The following PCDH15 variants were observed in gnomAD, a reference collection of about 807,000 sequenced individuals.
PCDH15 encodes protocadherin-15.
Under a neutral mutation model 178.5 loss-of-function variants are expected in PCDH15, and 129 were observed. The observed-to-expected ratio is 0.72, with a 90% CI of 0.63 to 0.84. The LOEUF is 0.84. PCDH15 is among the 40% of genes least tolerant of loss of function. PCDH15 has a pLI of 0.00. For synonymous variants in PCDH15, 800 were observed against 732.0 expected (o/e 1.09, Z -1.50); for missense variants, 2,230 against 2,099.9 (o/e 1.06, Z -1.21).
chr10:54,236,242 C>A (rs1321622946), intron 9 of PCDH15, among the ~76,000 whole-genome samples: 3 of 152,128 alleles, frequency 2.0e-5, no homozygotes, highest in African/African-American at 7.2e-5. Context: ...TAATCAATTT[C>A]TCATCATTTT....
chr10:54,224,469 T>G (rs1591280789), intron 9 of PCDH15, among the ~76,000 whole-genome samples: 1 of 152,286 alleles, frequency 6.6e-6, no homozygotes, highest in African/African-American at 2.4e-5. Flanking sequence ...TAGCAAAGCT[T>G]AATTCATCTA....
At chr10:55,578,092 T>TA (rs1483229043) in intron 2 of PCDH15, among the ~76,000 whole-genome samples, 4 of 152,090 alleles carry the variant, frequency 2.6e-5, no homozygotes, top group African/African-American at 9.7e-5. Context: ...CCCATGGCTT[T>TA]AAAAAAATTA....
intron 20 of PCDH15, among the ~76,000 whole-genome samples, chr10:54,014,631 C>T (rs144633948): frequency 1.6e-3 from 239 of 152,226 alleles, no homozygotes; most frequent in African/African-American, 5.5e-3. Context: ...AGAAGTGATT[C>T]ACCACAGAAA....
intron 3 of PCDH15, among the ~76,000 whole-genome samples, chr10:54,838,121 G>A (rs565459224): frequency 6.6e-5 from 10 of 152,050 alleles, no homozygotes; most frequent in South Asian, 2.1e-4. Context: ...AGTACTTGAC[G>A]AGGTCCTGTA....
intron 3 of PCDH15, among the ~76,000 whole-genome samples, chr10:54,456,989 C>T (rs1052233452): frequency 6.6e-6 from 1 of 152,086 alleles, no homozygotes; most frequent in Non-Finnish European, 1.5e-5. Flanking sequence ...TATTGAACCT[C>T]TTATCTTTAT....
intron 2 of PCDH15, among the ~76,000 whole-genome samples, chr10:55,149,794 C>T (rs1156788166): frequency 1.3e-5 from 2 of 152,018 alleles, no homozygotes; most frequent in African/African-American, 4.8e-5. Context: ...GTTTCAAAAG[C>T]CCCAGAAATT....
At chr10:54,432,121 ATAT>A (rs1349511140) in intron 3 of PCDH15, among the ~76,000 whole-genome samples, 9 of 152,072 alleles carry the variant, frequency 5.9e-5, no homozygotes, top group Admixed American at 1.3e-4. Flanking sequence ...GGAAGAATAA[ATAT>A]TATTAAAATG....
chr10:54,735,884 G>A (rs1944047657), intron 1 of PCDH15, among the ~76,000 whole-genome samples: 1 of 117,932 alleles, frequency 8.5e-6, no homozygotes, highest in Non-Finnish European at 1.7e-5. Context: ...GGGGAGGGGG[G>A]AGGGATAGCA....
chr10:54,298,888 G>A (rs1315999448), intron 8 of PCDH15, among the ~76,000 whole-genome samples: 1 of 152,222 alleles, frequency 6.6e-6, no homozygotes, highest in African/African-American at 2.4e-5. Context: ...TGTTGTAATT[G>A]GAAGACTTTG....
intron 2 of PCDH15, among the ~76,000 whole-genome samples, chr10:54,573,254 T>TA (rs2090052356): frequency 6.6e-6 from 1 of 152,116 alleles, no homozygotes; most frequent in African/African-American, 2.4e-5. Context: ...ATTAGTTTAG[T>TA]AAAAAACAAT....
chr10:54,569,135 T>TA (rs1430435151), intron 2 of PCDH15, among the ~76,000 whole-genome samples: 1 of 151,984 alleles, frequency 6.6e-6, no homozygotes, highest in East Asian at 1.9e-4. Flanking sequence ...CCCAAGAAAT[T>TA]AAAAAACTAC....
chr10:53,860,836 A>C (rs1205780397), intron 27 of PCDH15, among the ~76,000 whole-genome samples: 1 of 151,946 alleles, frequency 6.6e-6, no homozygotes, highest in Non-Finnish European at 1.5e-5. Flanking sequence ...ACATTTTATT[A>C]ACAAGATTTT....
At chr10:54,574,226 T>C (rs982972061) in intron 2 of PCDH15, among the ~76,000 whole-genome samples, 16 of 151,284 alleles carry the variant, frequency 1.1e-4, no homozygotes, top group African/African-American at 3.6e-4. Context: ...AGGGATCCAG[T>C]TTCAGCTTTC....
intron 1 of PCDH15, among the ~76,000 whole-genome samples, chr10:54,722,176 A>G (rs1941729930): frequency 6.6e-6 from 1 of 151,776 alleles, no homozygotes; most frequent in Non-Finnish European, 1.5e-5. Context: ...CCCCTTTATG[A>G]TGAAAACCCT....
chr10:54,031,601 T>G (rs1223426324), intron 18 of PCDH15, among the ~76,000 whole-genome samples: 1 of 151,852 alleles, frequency 6.6e-6, no homozygotes, highest in Non-Finnish European at 1.5e-5. Flanking sequence ...ATTCCTGTAG[T>G]TGGGTGTTAT....
At chr10:53,825,908 A>G (rs2076646949) in intron 32 of PCDH15, among the ~76,000 whole-genome samples, 1 of 151,574 alleles carries the variant, frequency 6.6e-6, no homozygotes, top group South Asian at 2.1e-4. Flanking sequence ...AATCTTAGGT[A>G]TTGCTATTTG....
chr10:54,860,073 A>G (rs376076859), intron 3 of PCDH15, among the ~76,000 whole-genome samples: 49 of 152,198 alleles, frequency 3.2e-4, no homozygotes, highest in African/African-American at 1.1e-3. Context: ...ATATATATCT[A>G]CATGTTTGTA....
intron 32 of PCDH15, among the ~76,000 whole-genome samples, chr10:53,826,975 T>A (rs1208955280): frequency 2.0e-5 from 3 of 152,038 alleles, no homozygotes; most frequent in East Asian, 3.9e-4. Context: ...GGATACCTAA[T>A]CAGGATTACT....
intron 25 of PCDH15, among the ~76,000 whole-genome samples, chr10:53,921,979 T>A (rs2610854): frequency 0.043 from 6,520 of 152,280 alleles, 430 homozygotes; most frequent in African/African-American, 0.15. Flanking sequence ...CAAAATTTAA[T>A]CAAGTATTAA....
Sources: gnomAD v4.1 joint callset for allele counts (sites outside exome capture counted in the v4.1 genomes callset) on GRCh38, gnomAD v4.1.1 for gene constraint, MANE v1.5 for transcripts, NCBI Gene and HGNC (gene_info 2026-07-23, HGNC 2026-07-21) for gene names.